LYRM4: variants seen among roughly 807,000 people sequenced by gnomAD.
LYRM4 encodes the protein LYR motif-containing protein 4.
LYRM4 carries 9 observed loss-of-function variants against 11.7 expected under a neutral mutation model. The observed-to-expected ratio is 0.77, with a 90% confidence interval of 0.46 to 1.34. The LOEUF is 1.34. Among genes scored for constraint, LYRM4 ranks in the 40% most tolerant of loss-of-function variants. The pLI, the probability that LYRM4 is intolerant of heterozygous loss-of-function variation, is 0.00. For missense variants in LYRM4, 133 were observed against 112.5 expected (o/e 1.18, Z -0.82); for synonymous variants, 42 against 40.4 (o/e 1.04, Z -0.15).
At chr6:5,231,808 T>C (rs1763259216) in intron 1 of LYRM4, among the ~76,000 whole-genome samples, 1 of 152,244 alleles carries the variant, frequency 6.6e-6, no homozygotes, top group Non-Finnish European at 1.5e-5. Flanking sequence ...CAAAGTTTGT[T>C]TGCTTGGCTA....
chr6:5,133,332 G>A (rs1076730), intron 2 of LYRM4, among the ~76,000 whole-genome samples: 2,816 of 152,302 alleles, frequency 0.018, 94 homozygotes, highest in African/African-American at 0.064. Flanking sequence ...TCCTGACAGC[G>A]TCTGCTGTCT....
the LYRM4 span, among the ~76,000 whole-genome samples, chr6:5,072,021 C>A: frequency 2.6e-5 from 4 of 152,144 alleles, no homozygotes; most frequent in Non-Finnish European, 5.9e-5. Context: ...TTTTTCCCCA[C>A]CATGTGCCCA....
intron 2 of LYRM4, among the ~76,000 whole-genome samples, chr6:5,176,863 G>A (rs1035175759): frequency 1.3e-5 from 2 of 152,172 alleles, no homozygotes; most frequent in Non-Finnish European, 2.9e-5. Flanking sequence ...AGAAGTATAA[G>A]TTCTGAAAGC....
the LYRM4 span, among the ~76,000 whole-genome samples, chr6:5,081,508 T>C: frequency 6.6e-6 from 1 of 152,100 alleles, no homozygotes; most frequent in South Asian, 2.1e-4. Flanking sequence ...GGCTGTTCAT[T>C]CTCTATCCCT....
intron 1 of LYRM4, among the ~76,000 whole-genome samples, chr6:5,235,249 T>G (rs979165852): frequency 6.6e-6 from 1 of 151,812 alleles, no homozygotes; most frequent in African/African-American, 2.4e-5. Flanking sequence ...TTCACGCAAT[T>G]CTCCTGCCTC....
At chr6:5,077,407 G>T in the LYRM4 span, among the ~76,000 whole-genome samples, 3 of 152,196 alleles carry the variant, frequency 2.0e-5, 1 homozygote, top group Non-Finnish European at 4.4e-5. Context: ...GCTGAAAGAC[G>T]CTGGGGACAG....
At chr6:5,148,662 CCTCT>C (rs61670380) in intron 2 of LYRM4, among the ~76,000 whole-genome samples, 103,277 of 150,594 alleles carry the variant, frequency 0.69, 35,156 homozygotes, top group East Asian at 0.8. Flanking sequence ...CACACACACA[CCTCT>C]CTCTCTCTCT....
At chr6:5,250,518 T>C (rs975685220) in intron 1 of LYRM4, among the ~76,000 whole-genome samples, 1 of 151,954 alleles carries the variant, frequency 6.6e-6, no homozygotes, top group Non-Finnish European at 1.5e-5. Context: ...CTTAGCAATG[T>C]AAGAGAAAAA....
chr6:5,136,678 A>G (rs1757117247), intron 2 of LYRM4: 1 of 985,316 alleles, frequency 1.0e-6, no homozygotes, highest in Non-Finnish European at 1.2e-6. Flanking sequence ...TTTACAAATG[A>G]GTCCCACAGG....
At chr6:5,130,304 G>A (rs1166876702) in intron 2 of LYRM4, among the ~76,000 whole-genome samples, 1 of 142,994 alleles carries the variant, frequency 7.0e-6, no homozygotes, top group East Asian at 1.9e-4. Flanking sequence ...GTGAGCCCTG[G>A]GAATCTGGCT....
At chr6:5,121,453 C>T (rs1407725632) in intron 2 of LYRM4, among the ~76,000 whole-genome samples, 1 of 152,152 alleles carries the variant, frequency 6.6e-6, no homozygotes, top group African/African-American at 2.4e-5. Flanking sequence ...ATGGTCAGTG[C>T]AGAGAAGGCC....
chr6:5,112,628 C>A (rs115015200), intron 2 of LYRM4, among the ~76,000 whole-genome samples: 277 of 152,320 alleles, frequency 1.8e-3, no homozygotes, highest in African/African-American at 6.5e-3. Flanking sequence ...TCAATGGCTG[C>A]AGAAATCTCT....
intron 2 of LYRM4, among the ~76,000 whole-genome samples, chr6:5,170,132 T>C (rs1304761755): frequency 1.3e-5 from 2 of 152,224 alleles, no homozygotes; most frequent in African/African-American, 2.4e-5. Context: ...GATTCCCACC[T>C]GGCATCTTTG....
chr6:5,243,558 G>T (rs1197938493), intron 1 of LYRM4, among the ~76,000 whole-genome samples: 1 of 152,078 alleles, frequency 6.6e-6, no homozygotes, highest in African/African-American at 2.4e-5. Flanking sequence ...TATTCCCTAG[G>T]GTTAGAAGAA....
At chr6:5,238,357 G>A (rs552722656) in intron 1 of LYRM4, among the ~76,000 whole-genome samples, 1 of 152,266 alleles carries the variant, frequency 6.6e-6, no homozygotes, top group East Asian at 1.9e-4. Context: ...ATTTAACCAT[G>A]CTGCAGCAAA....
At chr6:5,081,465 G>C in the LYRM4 span, among the ~76,000 whole-genome samples, 1 of 152,278 alleles carries the variant, frequency 6.6e-6, no homozygotes, top group Non-Finnish European at 1.5e-5. Flanking sequence ...TGGCTTCTGA[G>C]AACAACCCTC....
chr6:5,164,987 A>AT (rs1758991422), intron 2 of LYRM4, among the ~76,000 whole-genome samples: 1 of 151,016 alleles, frequency 6.6e-6, no homozygotes, highest in African/African-American at 2.4e-5. Flanking sequence ...AAAAAAAAAA[A>AT]TTTACTAGTG....
intron 2 of LYRM4, among the ~76,000 whole-genome samples, chr6:5,179,405 C>T (rs1759941908): frequency 6.6e-6 from 1 of 152,118 alleles, no homozygotes; most frequent in African/African-American, 2.4e-5. Context: ...ACCAACTCTC[C>T]ATTCTCATCC....
the LYRM4 span, among the ~76,000 whole-genome samples, chr6:5,081,882 C>A: frequency 6.6e-6 from 1 of 152,044 alleles, no homozygotes; most frequent in Non-Finnish European, 1.5e-5. Context: ...ACTTTTAACT[C>A]CACCCACTGA....
Sources: gnomAD v4.1 joint callset for allele counts (sites outside exome capture counted in the v4.1 genomes callset) on GRCh38, gnomAD v4.1.1 for gene constraint, MANE v1.5 for transcripts, NCBI Gene and HGNC (gene_info 2026-07-23, HGNC 2026-07-21) for gene names.